Variants in ATXN1 observed in about 807,000 individuals in gnomAD.
ATXN1 encodes the protein ataxin-1.
A neutral mutation model predicts 56.4 loss-of-function variants in ATXN1; 8 were observed. The ratio of observed to expected loss-of-function variants is 0.14; its 90% CI spans 0.08 to 0.26. The LOEUF (loss-of-function observed/expected upper bound fraction) is 0.26, where lower values mean the gene tolerates loss of function less well. Among genes scored for constraint, ATXN1 ranks in the 10% least tolerant of loss-of-function variants. The pLI is 1.00. For synonymous variants in ATXN1, 514 were observed against 494.6 expected, an observed-to-expected ratio of 1.04 and a Z score of -0.52; for missense variants, 987 against 1,106.5, an observed-to-expected ratio of 0.89 and a Z score of 1.53.
rs1027267221 is a variant in ATXN1 at position 16,300,951 on chromosome 6, T to A, written c.*5378A>T. 1 of 152,562 alleles carries A rather than the reference T, an allele frequency of 6.6e-6. No individual in the cohort carries two copies. Among genetic ancestry groups the A allele is most frequent in the Non-Finnish European group, 1.5e-5 (1 of 68,008 alleles). The allele number at this position is 152,562 out of a possible 1,614,324, so 9.5% of individuals were successfully genotyped here. A position where few individuals can be genotyped will look rare whatever the true frequency, so the allele number is the denominator to read the frequency against. ...AGACGAGGGCTATATGTAACAAAAATAACAATAAGCATAGGTATAGTTTAA... is the reference window on the plus strand; with the variant it reads ...AGACGAGGGCTATATGTAACAAAAAAAACAATAAGCATAGGTATAGTTTAA... On this transcript the variant is annotated 3_prime_UTR_variant, in exon 8 of 8. Coordinates refer to ENST00000436367, the MANE Select transcript of ATXN1 (RefSeq NM_001128164.2).
intron 4 of ATXN1, among the ~76,000 whole-genome samples, chr6:16,575,929 G>C (rs754263791): frequency 2.4e-4 from 36 of 152,112 alleles, no homozygotes; most frequent in Non-Finnish European, 4.7e-4. Context: ...AATTTCTAGA[G>C]ACACACGCCA....
intron 6 of ATXN1, among the ~76,000 whole-genome samples, chr6:16,411,852 AC>A (rs1481159803): frequency 6.6e-6 from 1 of 152,232 alleles, no homozygotes; most frequent in Non-Finnish European, 1.5e-5. Context: ...AAGATATGCC[AC>A]ATATCATCTT....
chr6:16,758,971 A>T (rs1000462686), intron 1 of ATXN1, among the ~76,000 whole-genome samples: 1 of 152,204 alleles, frequency 6.6e-6, no homozygotes, highest in Non-Finnish European at 1.5e-5. Flanking sequence ...TTCCTCAGAC[A>T]TAAGCTTCAC....
intron 6 of ATXN1, among the ~76,000 whole-genome samples, chr6:16,331,585 A>G (rs1284977840): frequency 6.6e-6 from 1 of 152,226 alleles, no homozygotes; most frequent in African/African-American, 2.4e-5. Flanking sequence ...GTGATGTGTC[A>G]GAATGCAAAA....
chr6:16,690,795 T>C (rs1343469072), intron 2 of ATXN1, among the ~76,000 whole-genome samples: 2 of 152,196 alleles, frequency 1.3e-5, no homozygotes, highest in Admixed American at 1.3e-4. Context: ...TAGTCAGTGC[T>C]GCCTGGAGCG....
At chr6:16,450,052 A>C (rs944908875) in intron 6 of ATXN1, among the ~76,000 whole-genome samples, 1 of 152,202 alleles carries the variant, frequency 6.6e-6, no homozygotes, top group African/African-American at 2.4e-5. Context: ...TATTCGTTTC[A>C]TATGTTGAGG....
intron 6 of ATXN1, among the ~76,000 whole-genome samples, chr6:16,439,485 C>T (rs796589140): frequency 3.3e-4 from 50 of 150,446 alleles, no homozygotes; most frequent in African/African-American, 7.3e-4. Flanking sequence ...CAGCGTCCAG[C>T]GTCCTAACCA....
chr6:16,325,187 G>A (rs1439370807), intron 7 of ATXN1, among the ~76,000 whole-genome samples: 1 of 151,074 alleles, frequency 6.6e-6, no homozygotes, highest in Non-Finnish European at 1.5e-5. Flanking sequence ...GCCTGATCTC[G>A]GCTCACTGCA....
At chr6:16,673,471 C>T (rs1271718558) in intron 2 of ATXN1, among the ~76,000 whole-genome samples, 2 of 152,152 alleles carry the variant, frequency 1.3e-5, no homozygotes, top group Admixed American at 6.5e-5. Context: ...TACCTCCTCA[C>T]CTTTGTCAAG....
At chr6:16,639,331 C>T (rs1763661725) in intron 3 of ATXN1, among the ~76,000 whole-genome samples, 1 of 152,198 alleles carries the variant, frequency 6.6e-6, no homozygotes, top group Non-Finnish European at 1.5e-5. Flanking sequence ...TGGCTCCATT[C>T]TTGAAGTCAG....
chr6:16,655,072 A>T (rs1334322189), intron 3 of ATXN1, among the ~76,000 whole-genome samples: 1 of 152,216 alleles, frequency 6.6e-6, no homozygotes, highest in Non-Finnish European at 1.5e-5. Flanking sequence ...AATAAATGCT[A>T]TTCAACGTAA....
intron 5 of ATXN1, among the ~76,000 whole-genome samples, chr6:16,495,394 T>C (rs1760759295): frequency 6.6e-6 from 1 of 152,212 alleles, no homozygotes; most frequent in African/African-American, 2.4e-5. Flanking sequence ...AATCCACATA[T>C]GCATCTCCCA....
rs1434549348 is a variant in ATXN1, at chr6:16,522,631, T to C, written c.-303A>G. The C allele has an allele frequency of 6.6e-6, 1 of 152,168 alleles. No homozygotes were observed. 9.4% of individuals were successfully genotyped at this position (152,168 alleles called of 1,614,324 possible). On this transcript the variant is annotated 5_prime_UTR_variant, in exon 5 of 8. Coordinates refer to ENST00000436367, the MANE Select transcript of ATXN1 (RefSeq NM_001128164.2). Reference sequence around the variant, plus strand: ...AAGATTCAAAGGATCACTCACCCTATGAAAACAGCACGTCGATTTCTTTCT... The same window carrying C: ...AAGATTCAAAGGATCACTCACCCTACGAAAACAGCACGTCGATTTCTTTCT...
chr6:16,501,767 C>T (rs1291391830), intron 5 of ATXN1, among the ~76,000 whole-genome samples: 3 of 152,036 alleles, frequency 2.0e-5, no homozygotes, highest in Non-Finnish European at 4.4e-5. Context: ...ATTGTAAATA[C>T]TGCTGCAGTA....
intron 5 of ATXN1, among the ~76,000 whole-genome samples, chr6:16,494,372 C>T (rs1212608698): frequency 6.6e-6 from 1 of 152,182 alleles, no homozygotes; most frequent in African/African-American, 2.4e-5. Flanking sequence ...TCAGAATATT[C>T]TCTGTGTATA....
intron 3 of ATXN1, among the ~76,000 whole-genome samples, chr6:16,626,658 AT>A (rs1417342822): frequency 2.0e-5 from 3 of 152,234 alleles, no homozygotes; most frequent in South Asian, 2.1e-4. Context: ...TACTGGCTGA[AT>A]TTTTTCCCCC....
At chr6:16,726,606 T>C (rs1759855777) in intron 2 of ATXN1, among the ~76,000 whole-genome samples, 1 of 151,970 alleles carries the variant, frequency 6.6e-6, no homozygotes, top group African/African-American at 2.4e-5. Flanking sequence ...AGCTCACACC[T>C]ATAGTCCCAG....
At chr6:16,498,303 T>C (rs1760815937) in intron 5 of ATXN1, among the ~76,000 whole-genome samples, 1 of 152,258 alleles carries the variant, frequency 6.6e-6, no homozygotes, top group Admixed American at 6.5e-5. Context: ...TCATTCATAT[T>C]GTAACATGTA....
chr6:16,339,971 C>T (rs1324779878), intron 6 of ATXN1, among the ~76,000 whole-genome samples: 1 of 152,160 alleles, frequency 6.6e-6, no homozygotes, highest in Non-Finnish European at 1.5e-5. Context: ...TTAGTAGAGA[C>T]AGGGTTTCAC....
Sources: allele counts gnomAD v4.1 joint callset (sites outside exome capture counted in the v4.1 genomes callset), GRCh38; gene constraint gnomAD v4.1.1; transcripts MANE v1.5; gene names NCBI Gene and HGNC (gene_info 2026-07-23, HGNC 2026-07-21).